The following MAGI2 variants were observed in gnomAD, a reference collection of about 807,000 sequenced individuals.
MAGI2 encodes membrane-associated guanylate kinase, WW and PDZ domain-containing protein 2.
A neutral mutation model predicts 133.3 loss-of-function variants in MAGI2; 35 were observed. The observed-to-expected ratio is 0.26, with a 90% CI of 0.20 to 0.35. The LOEUF (loss-of-function observed/expected upper bound fraction) is 0.35. Among genes scored for constraint, MAGI2 ranks in the 10% least tolerant of loss-of-function variants. MAGI2 has a pLI of 1.00. For synonymous variants in MAGI2, 729 were observed against 710.6 expected, an observed-to-expected ratio of 1.03 and a Z score of -0.41; for missense variants, 1,636 against 1,863.4, an observed-to-expected ratio of 0.88 and a Z score of 2.25.
chr7:79,249,092 GA>G (rs1449022956), intron 1 of MAGI2, among the ~76,000 whole-genome samples: 1 of 151,950 alleles, frequency 6.6e-6, no homozygotes, highest in African/African-American at 2.4e-5. Context: ...TCAAACTCCT[GA>G]CCTCAGGTCA....
In MAGI2 at chr7:78,807,215, C is replaced by G. The variant is rs908352159; in HGVS notation, c.419-179976G>C. On this transcript the variant is annotated intron_variant, in intron 2 of 21. Coordinates refer to ENST00000354212, the MANE Select transcript of MAGI2 (RefSeq NM_012301.4). The stretch of plus-strand genomic sequence containing the variant: ...TTATTAAAGACTCTACTCCAAAGAG[C>G]TTTTGTTTATGCAGATTATAGCTAT... Among the ~76,000 whole-genome samples the G allele has an allele frequency of 2.6e-5, 4 of 152,070 alleles. No individual in the cohort carries two copies. In the South Asian group the frequency reaches 8.3e-4, roughly 32 times the overall value.
chr7:78,163,990 C>T (rs1157161905), intron 15 of MAGI2, among the ~76,000 whole-genome samples: 6 of 151,904 alleles, frequency 3.9e-5, no homozygotes, highest in Admixed American at 1.3e-4. Flanking sequence ...TTTCTTGACA[C>T]ATTTGGCACC....
At chr7:78,714,304 C>A (rs1819496299) in intron 2 of MAGI2, among the ~76,000 whole-genome samples, 1 of 152,168 alleles carries the variant, frequency 6.6e-6, no homozygotes, top group African/African-American at 2.4e-5. Flanking sequence ...ATATCCAATT[C>A]TGCTTTACTT....
intron 2 of MAGI2, among the ~76,000 whole-genome samples, chr7:78,747,350 T>C (rs1044903880): frequency 6.6e-6 from 1 of 152,124 alleles, no homozygotes; most frequent in Non-Finnish European, 1.5e-5. Flanking sequence ...GAAAGAGTCA[T>C]ATAAGAAATG....
Position 79,228,106 on chromosome 7 carries a change from A to G in MAGI2, c.302-220900T>C, listed in dbSNP as rs558682658. Among the ~76,000 whole-genome samples the G allele has an allele frequency of 3.9e-5, 6 of 152,012 alleles. 1 individual carries two copies. In the South Asian group the frequency reaches 1.2e-3, roughly 32 times the overall value. On this transcript the variant is annotated intron_variant, in intron 1 of 21. Coordinates refer to ENST00000354212, the MANE Select transcript of MAGI2 (RefSeq NM_012301.4). Reference sequence around the variant, plus strand: ...ACATCTGTAATTGCAGCTACTTGAGATGGTTAGGTGGGAGATCACTTGAGG... The same window carrying G: ...ACATCTGTAATTGCAGCTACTTGAGGTGGTTAGGTGGGAGATCACTTGAGG...
chr7:78,512,618 C>T (rs1240250733), intron 4 of MAGI2, among the ~76,000 whole-genome samples: 1 of 152,160 alleles, frequency 6.6e-6, no homozygotes, highest in Non-Finnish European at 1.5e-5. Flanking sequence ...GTTGGCCAGG[C>T]TGGTCTTGAA....
At chr7:78,742,681 C>T (rs912690169) in intron 2 of MAGI2, among the ~76,000 whole-genome samples, 1 of 152,204 alleles carries the variant, frequency 6.6e-6, no homozygotes, top group Non-Finnish European at 1.5e-5. Flanking sequence ...CTCAAATGTT[C>T]TTCTAGAACC....
intron 6 of MAGI2, among the ~76,000 whole-genome samples, chr7:78,461,344 A>G (rs1414352030): frequency 2.6e-5 from 4 of 152,054 alleles, no homozygotes; most frequent in Admixed American, 2.6e-4. Flanking sequence ...TAAGTAAGAA[A>G]ACATTAAAAA....
chr7:79,177,997 C>A (rs1826262109), intron 1 of MAGI2, among the ~76,000 whole-genome samples: 1 of 152,046 alleles, frequency 6.6e-6, no homozygotes, highest in Admixed American at 6.6e-5. Context: ...AAGATATAAT[C>A]AACTACTGAA....
chr7:78,992,988 T>C (rs541684237), intron 2 of MAGI2, among the ~76,000 whole-genome samples: 5 of 152,246 alleles, frequency 3.3e-5, no homozygotes, highest in South Asian at 2.1e-4. Flanking sequence ...CAATTGCTTT[T>C]TCATGTGAGA....
intron 3 of MAGI2, among the ~76,000 whole-genome samples, chr7:78,622,830 A>G (rs1317467197): frequency 6.6e-6 from 1 of 151,986 alleles, no homozygotes; most frequent in Non-Finnish European, 1.5e-5. Flanking sequence ...CATGTATACA[A>G]TGTGTATTTG....
chr7:78,354,564 A>T (rs1408471863), intron 7 of MAGI2, among the ~76,000 whole-genome samples: 2 of 152,228 alleles, frequency 1.3e-5, no homozygotes, highest in Non-Finnish European at 2.9e-5. Context: ...GAAAGTCACC[A>T]GGCCATGAAA....
intron 2 of MAGI2, among the ~76,000 whole-genome samples, chr7:78,743,354 G>A (rs1174707047): frequency 2.0e-5 from 3 of 152,140 alleles, no homozygotes; most frequent in Non-Finnish European, 4.4e-5. Flanking sequence ...GTGCTAAATG[G>A]TTTAGCTAAT....
In MAGI2 at chr7:78,345,963, G is replaced by C; in HGVS notation, c.1184C>G (p.Thr395Arg). 1.2e-6 allele frequency: 2 copies of C among 1,614,218 alleles called. No homozygotes were observed. The highest frequency in any genetic ancestry group is 1.7e-6 in the Non-Finnish European group (2 of 1,180,032). The change falls in exon 8 of 22, where the codon ACA becomes AGA. Residue 395 changes from threonine to arginine, a missense_variant. This residue lies in a region of MAGI2 where 920 missense variants were observed against 1,093.5 expected (regional missense o/e 0.84). Coordinates refer to ENST00000354212, the MANE Select transcript of MAGI2 (RefSeq NM_012301.4). Reference sequence around the variant, plus strand: ...CTGCAGGGGCTTTGTTCCAAGTTCTGTGTGGGGCATGTTATGTTGCTGTAG... The same window carrying C: ...CTGCAGGGGCTTTGTTCCAAGTTCTCTGTGGGGCATGTTATGTTGCTGTAG... ...RKLQQHNMPH[T>R]ELGTKPLQAP...
At chr7:78,673,651 G>C (rs990967230) in intron 2 of MAGI2, among the ~76,000 whole-genome samples, 5 of 151,756 alleles carry the variant, frequency 3.3e-5, no homozygotes, top group Non-Finnish European at 7.4e-5. Context: ...GTTCTGTTCA[G>C]AACTTCAACT....
intron 6 of MAGI2, among the ~76,000 whole-genome samples, chr7:78,434,256 T>C (rs1800067091): frequency 2.0e-5 from 3 of 152,106 alleles, no homozygotes; most frequent in Non-Finnish European, 4.4e-5. Context: ...TTACAATGAT[T>C]GTATAGAGAG....
chr7:79,286,284 G>A (rs1835992396), intron 1 of MAGI2, among the ~76,000 whole-genome samples: 1 of 152,042 alleles, frequency 6.6e-6, no homozygotes, highest in Non-Finnish European at 1.5e-5. Flanking sequence ...TATGTTATAA[G>A]CTCATCTGAT....
chr7:78,341,150 A>T (rs1162184350), intron 9 of MAGI2, among the ~76,000 whole-genome samples: 2 of 152,218 alleles, frequency 1.3e-5, no homozygotes, highest in East Asian at 3.8e-4. Context: ...AATCACTAGC[A>T]TTCCTATACA....
intron 2 of MAGI2, among the ~76,000 whole-genome samples, chr7:78,780,704 C>T (rs761326371): frequency 6.6e-6 from 1 of 152,148 alleles, no homozygotes; most frequent in African/African-American, 2.4e-5. Context: ...GAACCCAAGG[C>T]GGGGCTCCTC....
Sources: gnomAD v4.1 joint callset for allele counts (sites outside exome capture counted in the v4.1 genomes callset) on GRCh38, gnomAD v4.1.1 for gene constraint, gnomAD v4.1.1 regional missense constraint, MANE v1.5 for transcripts, NCBI Gene and HGNC (gene_info 2026-07-23, HGNC 2026-07-21) for gene names.